Variants in RALA observed in about 807,000 individuals in gnomAD.
RALA encodes the protein RAS like proto-oncogene A.
In RALA, 5 loss-of-function variants were observed where a neutral mutation model predicts 24.0. That is an observed-to-expected ratio of 0.21 (90% CI 0.11 to 0.44). RALA has a LOEUF of 0.44. RALA is among the 20% of genes least tolerant of loss of function. The pLI, the probability that RALA is intolerant of heterozygous loss-of-function variation, is 0.99. For synonymous variants in RALA, 77 were observed against 83.8 expected (o/e 0.92, Z 0.44); for missense variants, 95 against 241.2 (o/e 0.39, Z 4.01).
chr7:39,664,398 A>G (rs1033152959), intron 1 of RALA, among the ~76,000 whole-genome samples: 1 of 152,194 alleles, frequency 6.6e-6, no homozygotes, highest in African/African-American at 2.4e-5. Flanking sequence ...TTGCCAGTAA[A>G]GGATTGGTTT....
intron 4 of RALA, among the ~76,000 whole-genome samples, chr7:39,704,666 T>TTGTTTTA (rs1032009769): frequency 1.3e-5 from 2 of 151,890 alleles, no homozygotes; most frequent in African/African-American, 4.8e-5. Flanking sequence ...ATTTGCTATT[T>TTGTTTTA]TGTTTTATTT....
intron 3 of RALA, among the ~76,000 whole-genome samples, chr7:39,695,778 ACGTTCC>A: frequency 6.6e-6 from 1 of 152,186 alleles, no homozygotes; most frequent in South Asian, 2.1e-4. Context: ...GACTTTACTT[ACGTTCC>A]TATAGCTTCA....
rs77046082 is a variant in RALA, at chr7:39,625,205, G to C, written c.-38+1380G>C. Among the ~76,000 whole-genome samples, 2,522 of 152,274 alleles carry C rather than the reference G, an allele frequency of 0.017. 141 individuals carry two copies. In the East Asian group the frequency reaches 0.18, roughly 11 times the overall value. Reference sequence around the variant, plus strand: ...GGCTAGGCTGTTTGTTTTGTTTTAGGTTCTTGCCACTTACAGACTTTACTT... The same window carrying C: ...GGCTAGGCTGTTTGTTTTGTTTTAGCTTCTTGCCACTTACAGACTTTACTT... On this transcript the variant is annotated intron_variant, in intron 1 of 4. Coordinates refer to ENST00000005257, the MANE Select transcript of RALA (RefSeq NM_005402.4).
intron 4 of RALA, among the ~76,000 whole-genome samples, chr7:39,699,769 G>T (rs572826319): frequency 3.3e-5 from 5 of 152,098 alleles, no homozygotes; most frequent in African/African-American, 4.8e-5. Context: ...GGTACCTGTG[G>T]TTGCCTCCAG....
At chr7:39,658,474 GTA>G (rs368096429) in intron 1 of RALA, among the ~76,000 whole-genome samples, 1 of 150,920 alleles carries the variant, frequency 6.6e-6, no homozygotes. Flanking sequence ...GTTTTTGTAT[GTA>G]TATATATATA....
At chr7:39,676,359 C>T (rs17171611) in intron 1 of RALA, among the ~76,000 whole-genome samples, 3,769 of 152,274 alleles carry the variant, frequency 0.025, 90 homozygotes, top group East Asian at 0.14. Flanking sequence ...ACTCTCACAA[C>T]TTTTACCAGC....
chr7:39,685,475 A>AC (rs1160814974), intron 1 of RALA, among the ~76,000 whole-genome samples: 3 of 152,148 alleles, frequency 2.0e-5, no homozygotes, highest in African/African-American at 7.2e-5. Flanking sequence ...AACCCCCTCA[A>AC]CCCCCAATAA....
rs116641738 is a variant in RALA, at chr7:39,701,616, T to G, written c.499-4507T>G. Among the ~76,000 whole-genome samples, 377 of 152,354 alleles carry G rather than the reference T, an allele frequency of 2.5e-3. 1 individual carries two copies. Among genetic ancestry groups the G allele is most frequent in the African/African-American group, 8.8e-3 (367 of 41,580 alleles). On this transcript the variant is annotated intron_variant, in intron 4 of 4. Transcript: ENST00000005257. The stretch of plus-strand genomic sequence containing the variant: ...ACAAATTTTCAGGAATAGCAAGTGT[T>G]ATTTCCTTTTATTAAATTGTGAAGT...
chr7:39,626,098 CTT>C (rs938050842), intron 1 of RALA, among the ~76,000 whole-genome samples: 1 of 152,122 alleles, frequency 6.6e-6, no homozygotes, highest in Non-Finnish European at 1.5e-5. Flanking sequence ...TATTTTAACT[CTT>C]AGACACTAAG....
intron 1 of RALA, among the ~76,000 whole-genome samples, chr7:39,678,131 C>T (rs955862868): frequency 2.3e-4 from 34 of 148,688 alleles, no homozygotes; most frequent in African/African-American, 7.7e-4. Flanking sequence ...CAGCATGGCA[C>T]ATGTATACAT....
chr7:39,642,471 G>A (rs1791835684), intron 1 of RALA, among the ~76,000 whole-genome samples: 1 of 152,148 alleles, frequency 6.6e-6, no homozygotes, highest in Non-Finnish European at 1.5e-5. Context: ...AGAGGGTAGA[G>A]ATAGATTTTC....
At position 39,668,095 on chromosome 7, in the gene RALA, C is replaced by G. The variant is rs369615932; in HGVS notation, c.-37-18536C>G. On this transcript the variant is annotated intron_variant, in intron 1 of 4. Transcript: ENST00000005257. ...GAACTAGCAATTCACAAAATAAATA[C>G]TACATAGAAAAAGTATCCACCCTCT... is the stretch of plus-strand genomic sequence containing the variant. Among the ~76,000 whole-genome samples the G allele has an allele frequency of 1.2e-4, 18 of 152,178 alleles. 2 individuals are homozygous for G. Among genetic ancestry groups the G allele is most frequent in the Admixed American group, 1.0e-3 (16 of 15,274 alleles).
intron 4 of RALA, among the ~76,000 whole-genome samples, chr7:39,704,994 C>T (rs897984407): frequency 3.9e-5 from 6 of 152,072 alleles, no homozygotes; most frequent in Admixed American, 1.3e-4. Context: ...TTTTTGAATA[C>T]GTAAAACACC....
intron 1 of RALA, among the ~76,000 whole-genome samples, chr7:39,654,154 T>C (rs978578893): frequency 6.6e-5 from 10 of 152,194 alleles, no homozygotes; most frequent in African/African-American, 2.4e-4. Context: ...TCAGTAAAAA[T>C]GTTTTAATTG....
intron 1 of RALA, among the ~76,000 whole-genome samples, chr7:39,626,140 G>T (rs1394858710): frequency 6.6e-6 from 1 of 152,216 alleles, no homozygotes; most frequent in Non-Finnish European, 1.5e-5. Flanking sequence ...TCTTACCTCA[G>T]TGACATTACC....
intron 4 of RALA, 151 bp from the exon 5 acceptor site, chr7:39,705,972 C>T: frequency 1.7e-6 from 1 of 583,798 alleles, no homozygotes; most frequent in Non-Finnish European, 2.8e-6. Flanking sequence ...GAAAATCAGG[C>T]TTTAGTTTTA....
At chr7:39,684,693 C>CT (rs1255852475) in intron 1 of RALA, among the ~76,000 whole-genome samples, 1 of 137,828 alleles carries the variant, frequency 7.3e-6, no homozygotes, top group Non-Finnish European at 1.6e-5. Context: ...ATAAAATACA[C>CT]TAACGATAGC....
intron 1 of RALA, among the ~76,000 whole-genome samples, chr7:39,660,685 G>A (rs944203659): frequency 6.6e-5 from 10 of 151,874 alleles, no homozygotes; most frequent in Admixed American, 3.9e-4. Flanking sequence ...GTTTACTTAC[G>A]CAGATTTTTT....
Position 39,706,410 on chromosome 7 carries a change from A to T in RALA, c.*165A>T, listed in dbSNP as rs1304405269. 1.5e-6 allele frequency: 1 copy of T among 687,610 alleles called. No individual in the cohort carries two copies. Among genetic ancestry groups the T allele is most frequent in the Non-Finnish European group, 2.4e-6 (1 of 424,824 alleles). 42.6% of individuals were successfully genotyped at this position (687,610 alleles called of 1,614,324 possible). A position where few individuals can be genotyped will look rare whatever the true frequency, so the allele number is the denominator to read the frequency against. On this transcript the variant is annotated 3_prime_UTR_variant, in exon 5 of 5. Coordinates refer to ENST00000005257, the MANE Select transcript of RALA (RefSeq NM_005402.4). The stretch of plus-strand genomic sequence containing the variant: ...GCAATGAAAGTCAAATTTACTTTAA[A>T]AAGAAATTAATATGGCTTCACCAAG...
Sources: allele counts gnomAD v4.1 joint callset (sites outside exome capture counted in the v4.1 genomes callset), GRCh38; gene constraint gnomAD v4.1.1; transcripts MANE v1.5; gene names NCBI Gene and HGNC (gene_info 2026-07-23, HGNC 2026-07-21).